Variants in SLC24A2 observed in about 807,000 individuals in gnomAD.
SLC24A2 encodes solute carrier family 24 member 2, also known as sodium/potassium/calcium exchanger 2.
A neutral mutation model predicts 62.0 loss-of-function variants in SLC24A2; 36 were observed. The observed-to-expected ratio is 0.58, with a 90% CI of 0.44 to 0.77. The LOEUF (loss-of-function observed/expected upper bound fraction) is 0.77. Ranked by LOEUF, SLC24A2 falls within the 30% of genes least tolerant of loss-of-function variation. SLC24A2 has a pLI of 0.00. For missense variants in SLC24A2, 846 were observed against 817.9 expected (o/e 1.03, Z -0.42); for synonymous variants, 358 against 294.0 (o/e 1.22, Z -2.23).
chr9:20,091,084 A>C, the SLC24A2 span, among the ~76,000 whole-genome samples: 1 of 152,070 alleles, frequency 6.6e-6, no homozygotes, highest in African/African-American at 2.4e-5. Flanking sequence ...AGCAGGATAG[A>C]CCAAGCTGAG....
At chr9:20,058,976 A>G in the SLC24A2 span, among the ~76,000 whole-genome samples, 2 of 152,168 alleles carry the variant, frequency 1.3e-5, no homozygotes, top group African/African-American at 4.8e-5. Context: ...TTCTGAGTTA[A>G]TCCTGTCCTA....
the SLC24A2 span, among the ~76,000 whole-genome samples, chr9:20,187,212 G>A: frequency 6.6e-6 from 1 of 152,122 alleles, no homozygotes; most frequent in Non-Finnish European, 1.5e-5. Flanking sequence ...GATCTTGGCT[G>A]ACCTCAAATA....
chr9:20,267,144 G>T, the SLC24A2 span, among the ~76,000 whole-genome samples: 2 of 151,720 alleles, frequency 1.3e-5, no homozygotes, highest in African/African-American at 2.4e-5. Context: ...TTTCTGTGAA[G>T]ATACAAGTGT....
the SLC24A2 span, among the ~76,000 whole-genome samples, chr9:19,886,713 A>G: frequency 6.6e-6 from 1 of 152,220 alleles, no homozygotes; most frequent in Non-Finnish European, 1.5e-5. Context: ...TATATACCCA[A>G]AGGAATATAA....
chr9:19,579,024 G>C (rs1032808501), intron 5 of SLC24A2, among the ~76,000 whole-genome samples: 1 of 152,186 alleles, frequency 6.6e-6, no homozygotes, highest in Non-Finnish European at 1.5e-5. Flanking sequence ...GCTTCCTAAG[G>C]AGTGAGAAAG....
chr9:19,582,672 C>T (rs1243341565), intron 5 of SLC24A2, among the ~76,000 whole-genome samples: 1 of 152,050 alleles, frequency 6.6e-6, no homozygotes, highest in African/African-American at 2.4e-5. Flanking sequence ...GAACTTTCCT[C>T]CCATTTATTC....
At chr9:19,564,241 GAAATT>G (rs1004838866) in intron 7 of SLC24A2, among the ~76,000 whole-genome samples, 2 of 151,986 alleles carry the variant, frequency 1.3e-5, no homozygotes, top group African/African-American at 4.8e-5. Flanking sequence ...TTTAAAAAGA[GAAATT>G]AAAAAACCAC....
the SLC24A2 span, among the ~76,000 whole-genome samples, chr9:20,221,225 A>T: frequency 1.3e-5 from 2 of 152,082 alleles, no homozygotes; most frequent in Non-Finnish European, 2.9e-5. Flanking sequence ...GTGCAATTTG[A>T]AATTGTAAAC....
chr9:19,740,767 C>T (rs958242180), intron 2 of SLC24A2, among the ~76,000 whole-genome samples: 1 of 151,812 alleles, frequency 6.6e-6, no homozygotes, highest in East Asian at 1.9e-4. Context: ...CATGGAGTGG[C>T]CAAATGCTTA....
chr9:19,747,991 C>T (rs546358677), intron 2 of SLC24A2, among the ~76,000 whole-genome samples: 1 of 152,296 alleles, frequency 6.6e-6, no homozygotes. Flanking sequence ...AGCAGTCCTG[C>T]TCCTGAGTGT....
At chr9:19,990,577 C>T in the SLC24A2 span, among the ~76,000 whole-genome samples, 2 of 147,510 alleles carry the variant, frequency 1.4e-5, no homozygotes, top group African/African-American at 5.1e-5. Context: ...CACCACTGCA[C>T]TCCAGCCTGG....
At chr9:19,565,867 G>C (rs531198478) in intron 7 of SLC24A2, among the ~76,000 whole-genome samples, 3 of 151,694 alleles carry the variant, frequency 2.0e-5, no homozygotes, top group Admixed American at 1.3e-4. Context: ...AATGGGGAAA[G>C]GATTCTCTAT....
chr9:20,235,305 C>T, the SLC24A2 span, among the ~76,000 whole-genome samples: 1 of 152,252 alleles, frequency 6.6e-6, no homozygotes, highest in Non-Finnish European at 1.5e-5. Flanking sequence ...TTTTGTTTGT[C>T]TGTGCCCTGC....
chr9:20,286,433 A>G, the SLC24A2 span, among the ~76,000 whole-genome samples: 2 of 152,232 alleles, frequency 1.3e-5, no homozygotes, highest in Admixed American at 1.3e-4. Flanking sequence ...CAAGAATATA[A>G]CTCCATATCT....
the SLC24A2 span, among the ~76,000 whole-genome samples, chr9:20,255,559 T>A: frequency 6.6e-6 from 1 of 152,166 alleles, no homozygotes; most frequent in Admixed American, 6.5e-5. Flanking sequence ...TTCACTCACA[T>A]TGTCTGAGAG....
At chr9:20,096,247 T>C in the SLC24A2 span, among the ~76,000 whole-genome samples, 15 of 152,220 alleles carry the variant, frequency 9.9e-5, no homozygotes, top group Non-Finnish European at 1.6e-4. Flanking sequence ...CCTTGTATCA[T>C]AGTATTACCA....
chr9:20,177,369 C>A, the SLC24A2 span, among the ~76,000 whole-genome samples: 1 of 152,090 alleles, frequency 6.6e-6, no homozygotes, highest in Admixed American at 6.6e-5. Flanking sequence ...AAGAAATATC[C>A]TTTTCCTTCC....
the SLC24A2 span, among the ~76,000 whole-genome samples, chr9:20,102,722 A>G: frequency 1.3e-5 from 2 of 151,426 alleles, no homozygotes; most frequent in African/African-American, 2.4e-5. Flanking sequence ...GGCAGCCAAG[A>G]TGGCCGAATA....
At chr9:19,861,214 C>G in the SLC24A2 span, among the ~76,000 whole-genome samples, 1 of 152,192 alleles carries the variant, frequency 6.6e-6, no homozygotes, top group African/African-American at 2.4e-5. Flanking sequence ...TCACTCCACC[C>G]TCAGCTCCAG....
Sources: gnomAD v4.1 joint callset for allele counts (sites outside exome capture counted in the v4.1 genomes callset) on GRCh38, gnomAD v4.1.1 for gene constraint, MANE v1.5 for transcripts, NCBI Gene and HGNC (gene_info 2026-07-23, HGNC 2026-07-21) for gene names.